Variants in ASTN2 observed in about 807,000 individuals in gnomAD.
ASTN2 encodes astrotactin 2, also known as astrotactin-2.
Under a neutral mutation model 139.8 loss-of-function variants are expected in ASTN2, and 54 were observed. That is an observed-to-expected ratio of 0.39 (90% CI 0.31 to 0.48). ASTN2 has a LOEUF of 0.48. ASTN2 is among the 20% of genes least tolerant of loss of function. The pLI, the probability that ASTN2 is intolerant of heterozygous loss-of-function variation, is 0.95. For missense variants in ASTN2, 1,565 were observed against 1,725.1 expected (o/e 0.91, Z 1.64); for synonymous variants, 756 against 719.5 (o/e 1.05, Z -0.81).
chr9:116,535,377 G>A (rs1425828649), intron 19 of ASTN2, among the ~76,000 whole-genome samples: 4 of 152,094 alleles, frequency 2.6e-5, no homozygotes, highest in African/African-American at 9.7e-5. Flanking sequence ...GGTTAATATT[G>A]TTATATGTGA....
In ASTN2 at chr9:117,275,789, C is replaced by T. The variant is rs186295567; in HGVS notation, c.630+15537G>A. On this transcript the variant is annotated intron_variant, in intron 2 of 22. Transcript: ENST00000313400. ...CCATGTTGACCAGGCTGTTCTCACT[C>T]GAACTCTTATCCTCAAGTAATTCGC... Among the ~76,000 whole-genome samples, 15 of 152,186 alleles carry T rather than the reference C, an allele frequency of 9.9e-5. 1 individual carries two copies. In the East Asian group the frequency reaches 2.1e-3, roughly 22 times the overall value.
rs772219508 is a variant in ASTN2, at chr9:116,651,625, C to T, written c.2975G>A (p.Arg992Gln). ...RCPSTCHLCR[R>Q]PGKEQLSPTP... is the part of the protein sequence containing the mutation. ...GGGGCTCAGCTGCTCCTTGCCTGGC[C>T]GGCGGCAAAGGTGACAGGTAGATGG... Residue 992 changes from arginine to glutamine, a missense_variant, in exon 17 of 23, where the codon CGG becomes CAG. Around this residue, in one of 4 missense-constraint regions of ASTN2, gnomAD observed 418 missense variants for 465.8 expected, o/e 0.90. Transcript: ENST00000313400. 2.5e-5 allele frequency: 41 copies of T among 1,614,022 alleles called. No individual in the cohort carries two copies. Among genetic ancestry groups the T allele is most frequent in the African/African-American group, 5.3e-5 (4 of 74,912 alleles).
At position 116,800,469 on chromosome 9, in the gene ASTN2, C is replaced by A. The variant is rs572491012; in HGVS notation, c.2396+5163G>T. Among the ~76,000 whole-genome samples the A allele has an allele frequency of 3.9e-5, 6 of 152,248 alleles. No homozygotes were observed. The East Asian group carries it at 7.7e-4, about 20-fold the overall frequency. ...GGAAATATCACCACATGCTCGCCCC[C>A]CAGAACAGGCTGTAGCCTACATGCA... On this transcript the variant is annotated intron_variant, in intron 13 of 22. Transcript: ENST00000313400.
intron 10 of ASTN2, among the ~76,000 whole-genome samples, chr9:116,911,142 C>T (rs16934051): frequency 0.015 from 2,281 of 152,322 alleles, 52 homozygotes; most frequent in African/African-American, 0.053. Flanking sequence ...CATCTTCATT[C>T]GCAAGCGAGT....
intron 13 of ASTN2, among the ~76,000 whole-genome samples, chr9:116,773,624 C>T (rs1830009101): frequency 6.6e-6 from 1 of 152,186 alleles, no homozygotes; most frequent in South Asian, 2.1e-4. Flanking sequence ...ATACCACATA[C>T]TGAGCAACAC....
intron 13 of ASTN2, among the ~76,000 whole-genome samples, chr9:116,798,097 C>G (rs895806454): frequency 4.6e-5 from 7 of 152,134 alleles, no homozygotes; most frequent in African/African-American, 1.7e-4. Context: ...ATGGTGAAAC[C>G]TTGTCTCTAC....
intron 3 of ASTN2, among the ~76,000 whole-genome samples, chr9:117,181,648 G>T (rs568238904): frequency 7.2e-5 from 11 of 152,256 alleles, no homozygotes; most frequent in African/African-American, 2.4e-4. Context: ...ACTTCCTGGT[G>T]CTTAAAGCAG....
intron 2 of ASTN2, among the ~76,000 whole-genome samples, chr9:117,233,219 A>G (rs1207954874): frequency 1.3e-5 from 2 of 152,158 alleles, no homozygotes; most frequent in East Asian, 3.9e-4. Context: ...CCTGCTTCCA[A>G]TTCCCCCAAG....
intron 19 of ASTN2, among the ~76,000 whole-genome samples, chr9:116,617,244 C>T (rs966494285): frequency 2.0e-5 from 3 of 152,006 alleles, no homozygotes; most frequent in African/African-American, 7.2e-5. Context: ...GCAAAAATAG[C>T]CCAGAGAGGA....
intron 5 of ASTN2, among the ~76,000 whole-genome samples, chr9:117,041,735 C>T (rs1383807338): frequency 6.6e-6 from 1 of 152,196 alleles, no homozygotes; most frequent in African/African-American, 2.4e-5. Context: ...ACCTCCTGTG[C>T]TCTGGCCTAA....
intron 10 of ASTN2, among the ~76,000 whole-genome samples, chr9:116,923,380 C>T: frequency 6.6e-6 from 1 of 152,278 alleles, no homozygotes. Context: ...CTTAACCCTA[C>T]AATGAGATAG....
At chr9:116,975,967 G>C (rs1245340778) in intron 9 of ASTN2, 147 bp downstream of exon 9, 1 of 692,500 alleles carries the variant, frequency 1.4e-6, no homozygotes, top group Non-Finnish European at 2.5e-6. Flanking sequence ...GCGCCATGAT[G>C]GTACATTAGT....
At position 117,276,777 on chromosome 9, in the gene ASTN2, A is replaced by G. The variant is rs372784741; in HGVS notation, c.630+14549T>C. 1.2e-3 allele frequency among the ~76,000 whole-genome samples: 189 copies of G among 152,284 alleles called. 1 individual carries two copies. Among genetic ancestry groups the G allele is most frequent in the African/African-American group, 4.3e-3 (179 of 41,562 alleles). ...AAGAGCTTTGCTGCCAACAGAGCAA[A>G]CACAGGATGTGGATCCCAGCTCAGT... On this transcript the variant is annotated intron_variant, in intron 2 of 22. Transcript: ENST00000313400.
rs769995748 is a variant in ASTN2, at chr9:117,096,101, C to T, written c.1219G>A (p.Asp407Asn). The T allele has an allele frequency of 8.1e-6, 13 of 1,613,972 alleles. No homozygotes were observed. The highest frequency in any genetic ancestry group is 5.5e-5 in the South Asian group (5 of 91,080). The change falls in exon 5 of 23, where the codon GAT becomes AAT. Residue 407 changes from aspartate (D) to asparagine (N), a missense_variant. By Grantham distance (23) the Asp-to-Asn change is conservative. Coordinates refer to ENST00000313400, the MANE Select transcript of ASTN2 (RefSeq NM_001365068.1). ...GTGTAGAATGTCAGCTGAGTTTCAT[C>T]GTCTGCCTCTGAGCCCGACGTCCCC... is the stretch of plus-strand genomic sequence containing the variant. ...AKGTSGSEADDETQLTFYTEQ... is the reference protein window; with the variant it reads ...AKGTSGSEADNETQLTFYTEQ...
intron 3 of ASTN2, among the ~76,000 whole-genome samples, chr9:117,191,252 A>G (rs1391434285): frequency 2.0e-5 from 3 of 151,036 alleles, no homozygotes; most frequent in Non-Finnish European, 3.0e-5. Context: ...AAAAGCTGCT[A>G]AAATGTCCAT....
chr9:117,282,742 C>T (rs1396602346), intron 2 of ASTN2, among the ~76,000 whole-genome samples: 1 of 148,356 alleles, frequency 6.7e-6, no homozygotes, highest in Admixed American at 6.6e-5. Flanking sequence ...CAAACTGGGG[C>T]TCCCCTTCAG....
At chr9:116,577,154 C>G (rs1853755313) in intron 19 of ASTN2, among the ~76,000 whole-genome samples, 1 of 152,196 alleles carries the variant, frequency 6.6e-6, no homozygotes, top group Admixed American at 6.5e-5. Context: ...GGGCTAGGAT[C>G]TGAAATCAGA....
chr9:117,362,659 T>C lies in ASTN2; in HGVS notation c.442+51838A>G, dbSNP rs185362306. On this transcript the variant is annotated intron_variant, in intron 1 of 22. Transcript: ENST00000313400. ...GTAATGAGAAGTCTGATTCCTTGTT[T>C]TGATGTTTGACTATAAACAGCTTTT... 1.2e-3 allele frequency among the ~76,000 whole-genome samples: 178 copies of C among 152,290 alleles called. 1 individual carries two copies. Among genetic ancestry groups the C allele is most frequent in the African/African-American group, 3.7e-3 (154 of 41,554 alleles).
At chr9:116,526,940 CAGAG>C (rs2119265463) in intron 19 of ASTN2, among the ~76,000 whole-genome samples, 1 of 152,290 alleles carries the variant, frequency 6.6e-6, no homozygotes, top group South Asian at 2.1e-4. Flanking sequence ...GAATACACAA[CAGAG>C]AAAGGACAGT....
Sources: allele counts gnomAD v4.1 joint callset (sites outside exome capture counted in the v4.1 genomes callset), GRCh38; gene constraint gnomAD v4.1.1; regional missense constraint gnomAD v4.1.1; transcripts MANE v1.5; gene names NCBI Gene and HGNC (gene_info 2026-07-23, HGNC 2026-07-21).